The following KDM5A variants were observed in gnomAD, a reference collection of about 807,000 sequenced individuals.
KDM5A encodes the protein lysine demethylase 5A.
In KDM5A, 42 loss-of-function variants were observed where a neutral mutation model predicts 193.5. That is an observed-to-expected ratio of 0.22 (90% CI 0.17 to 0.28). The LOEUF (loss-of-function observed/expected upper bound fraction) is 0.28, where lower values mean the gene tolerates loss of function less well. KDM5A is among the 10% of genes least tolerant of loss of function. KDM5A has a pLI of 1.00. For missense variants in KDM5A, 1,692 were observed against 2,055.1 expected (o/e 0.82, Z 3.42); for synonymous variants, 796 against 718.1 (o/e 1.11, Z -1.73).
chr12:378,411 C>T (rs1944534844), intron 3 of KDM5A, among the ~76,000 whole-genome samples: 1 of 152,066 alleles, frequency 6.6e-6, no homozygotes, highest in Admixed American at 6.6e-5. Flanking sequence ...GCGCATGCCA[C>T]CACACCTAGC....
intron 22 of KDM5A, among the ~76,000 whole-genome samples, chr12:308,604 A>C (rs548173071): frequency 2.7e-4 from 41 of 152,370 alleles, no homozygotes; most frequent in African/African-American, 9.6e-4. Context: ...TCATTTTAAC[A>C]AAGTAAATAA....
chr12:375,996 C>T (rs1056549110), intron 3 of KDM5A, among the ~76,000 whole-genome samples: 6 of 152,194 alleles, frequency 3.9e-5, no homozygotes, highest in African/African-American at 1.2e-4. Flanking sequence ...CCCTACGAGG[C>T]GGTGCCTCCC....
intron 10 of KDM5A, among the ~76,000 whole-genome samples, chr12:348,024 G>A (rs1944100683): frequency 6.6e-6 from 1 of 151,892 alleles, no homozygotes. Context: ...TCTGACAAAG[G>A]GCTAATATCC....
intron 1 of KDM5A, chr12:387,395 G>A: frequency 4.9e-6 from 1 of 202,414 alleles, no homozygotes; most frequent in South Asian, 6.1e-5. Flanking sequence ...ACCGTGAATA[G>A]AATTTCTAAT....
intron 17 of KDM5A, 29 bp downstream of exon 17, chr12:322,388 C>A (rs746586442): frequency 2.5e-6 from 4 of 1,604,734 alleles, no homozygotes; most frequent in African/African-American, 1.3e-5. Flanking sequence ...CAGGAAAACA[C>A]TGGAGAATTA....
intron 8 of KDM5A, among the ~76,000 whole-genome samples, chr12:352,922 C>CT (rs1481301483): frequency 2.0e-5 from 3 of 152,186 alleles, no homozygotes; most frequent in Non-Finnish European, 4.4e-5. Context: ...AACTCCTTCT[C>CT]TTTAATGTCC....
intron 10 of KDM5A, among the ~76,000 whole-genome samples, chr12:341,569 T>A (rs191959566): frequency 1.2e-4 from 18 of 152,122 alleles, no homozygotes; most frequent in African/African-American, 3.9e-4. Flanking sequence ...AATAATTAGA[T>A]TGTTATAACT....
chr12:314,357 G>A (rs767409202), intron 19 of KDM5A, among the ~76,000 whole-genome samples: 4 of 151,816 alleles, frequency 2.6e-5, no homozygotes, highest in Admixed American at 6.6e-5. Flanking sequence ...CACCACGCCC[G>A]GCTAATTTTT....
intron 10 of KDM5A, among the ~76,000 whole-genome samples, chr12:340,198 T>G (rs984351562): frequency 6.6e-6 from 1 of 151,992 alleles, no homozygotes; most frequent in Non-Finnish European, 1.5e-5. Flanking sequence ...ACTTTTGAAG[T>G]TGGGTTATAA....
intron 5 of KDM5A, among the ~76,000 whole-genome samples, chr12:357,037 T>C (rs981566491): frequency 3.3e-5 from 5 of 152,254 alleles, no homozygotes; most frequent in African/African-American, 4.8e-5. Context: ...TCCCAACACA[T>C]TGGAAGGCCA....
rs1410108573 is a variant in KDM5A, at chr12:389,156, C to A, written c.-65G>T. 1.3e-6 allele frequency: 2 copies of A among 1,486,978 alleles called. No individual in the cohort carries two copies. Among genetic ancestry groups the A allele is most frequent in the South Asian group, 2.3e-5 (2 of 88,764 alleles). The allele number at this position is 1,486,978 out of a possible 1,614,324, so 92.1% of individuals were successfully genotyped here. ...CGGTGGAGAAAAGCTGGCTGAAGCC[C>A]ACTAAGCCCGTTCAAGTCCCCTGAC... On this transcript the variant is annotated 5_prime_UTR_variant, in exon 1 of 28. Coordinates refer to ENST00000399788, the MANE Select transcript of KDM5A (RefSeq NM_001042603.3).
At chr12:364,924 A>G (rs1332976172) in intron 4 of KDM5A, among the ~76,000 whole-genome samples, 1 of 152,220 alleles carries the variant, frequency 6.6e-6, no homozygotes, top group Non-Finnish European at 1.5e-5. Context: ...AGCATTATTC[A>G]TAATAGCCAT....
rs548018523 is a variant in KDM5A, at chr12:343,137, C to T, written c.1308+7484G>A. 2.5e-4 allele frequency among the ~76,000 whole-genome samples: 38 copies of T among 152,358 alleles called. 1 individual carries two copies. Among genetic ancestry groups the T allele is most frequent in the South Asian group, 1.9e-3 (9 of 4,830 alleles). On this transcript the variant is annotated intron_variant, in intron 10 of 27. Coordinates refer to ENST00000399788, the MANE Select transcript of KDM5A (RefSeq NM_001042603.3). ...GGTGATTCTCTCCCATGCCTGGCTC[C>T]GCAGGTCCCACACCCACAGAGCCTT...
At chr12:383,940 T>C in intron 3 of KDM5A, 91 bp downstream of exon 3, 2 of 1,347,370 alleles carry the variant, frequency 1.5e-6, no homozygotes, top group Non-Finnish European at 2.1e-6. Flanking sequence ...AAACAAATCC[T>C]CTATTGGAAG....
intron 4 of KDM5A, among the ~76,000 whole-genome samples, chr12:364,763 C>T (rs1476792566): frequency 1.5e-4 from 20 of 129,110 alleles, no homozygotes; most frequent in African/African-American, 5.4e-4. Context: ...CCAGCCTGGG[C>T]GACGGAGTCT....
At chr12:291,561 C>T (rs1943294350) in intron 27 of KDM5A, among the ~76,000 whole-genome samples, 1 of 152,184 alleles carries the variant, frequency 6.6e-6, no homozygotes, top group Admixed American at 6.5e-5. Flanking sequence ...TTGGTGCCTT[C>T]AAGCTCTAAA....
At chr12:319,053 A>G (rs1943684325) in intron 18 of KDM5A, among the ~76,000 whole-genome samples, 1 of 152,212 alleles carries the variant, frequency 6.6e-6, no homozygotes, top group Non-Finnish European at 1.5e-5. Flanking sequence ...GTGTTGCTAC[A>G]AGTGGATGAT....
intron 19 of KDM5A, 89 bp from the exon 20 acceptor site, chr12:313,283 G>A: frequency 7.0e-7 from 1 of 1,429,566 alleles, no homozygotes. Context: ...TCATTTACAT[G>A]ATTTCACTGA....
chr12:356,389 T>C (rs1944229601), intron 6 of KDM5A, 43 bp downstream of exon 6: 1 of 1,179,366 alleles, frequency 8.5e-7, no homozygotes, highest in Non-Finnish European at 1.3e-6. Context: ...TTTACAATCA[T>C]ATTCTACCTT....
Sources: allele counts gnomAD v4.1 joint callset (sites outside exome capture counted in the v4.1 genomes callset), GRCh38; gene constraint gnomAD v4.1.1; transcripts MANE v1.5; gene names NCBI Gene and HGNC (gene_info 2026-07-23, HGNC 2026-07-21).